The following SELENON variants were observed in gnomAD, a reference collection of about 807,000 sequenced individuals.
SELENON encodes the protein selenoprotein N, 1.
In SELENON, 44 loss-of-function variants were observed where a neutral mutation model predicts 59.5. The observed-to-expected ratio is 0.74, with a 90% confidence interval of 0.58 to 0.95. The LOEUF (loss-of-function observed/expected upper bound fraction) is 0.95, where lower values mean the gene tolerates loss of function less well. SELENON is among the 40% of genes least tolerant of loss of function. The pLI is 0.00. For synonymous variants in SELENON, 320 were observed against 305.6 expected, an observed-to-expected ratio of 1.05 and a Z score of -0.49; for missense variants, 674 against 721.4, an observed-to-expected ratio of 0.93 and a Z score of 0.75.
Position 25,815,840 on chromosome 1 carries a change from C to G in SELENON, c.*122C>G, listed in dbSNP as rs2048006625. 1 of 1,044,930 alleles carries G rather than the reference C, an allele frequency of 9.6e-7. No individual in the cohort carries two copies. The highest frequency in any genetic ancestry group is 1.6e-5 in the African/African-American group (1 of 63,732). The allele number at this position is 1,044,930 out of a possible 1,614,324, so 64.7% of individuals were successfully genotyped here. ...CACTCCTAGGCTGCCTTGGAGGGTA[C>G]AAGATCCACTGAGGGTGGCCACCAC... On this transcript the variant is annotated 3_prime_UTR_variant, in exon 13 of 13. Transcript: ENST00000361547.
At position 25,807,014 on chromosome 1, in the gene SELENON, G is replaced by T. The variant is rs1295376725; in HGVS notation, c.538-1566G>T. On this transcript the variant is annotated intron_variant, in intron 4 of 12. Coordinates refer to ENST00000361547, the MANE Select transcript of SELENON (RefSeq NM_020451.3). The surrounding 1 kb of genome is among the most constrained non-coding windows in gnomAD (Gnocchi z 4.5). ...TTTCTTTGTATTTTTAGTAGAGACGGGGTTTCACCATGTTGACCAGGATGG... is the reference window on the plus strand; with the variant it reads ...TTTCTTTGTATTTTTAGTAGAGACGTGGTTTCACCATGTTGACCAGGATGG... Among the ~76,000 whole-genome samples, 1 of 151,998 alleles carries T rather than the reference G, an allele frequency of 6.6e-6. No homozygotes were observed. The highest frequency in any genetic ancestry group is 1.5e-5 in the Non-Finnish European group (1 of 68,006).
chr1:25,813,099 T>TA (rs1323817526), intron 10 of SELENON, among the ~76,000 whole-genome samples: 1 of 152,200 alleles, frequency 6.6e-6, no homozygotes, highest in African/African-American at 2.4e-5. Context: ...ATAACACACT[T>TA]ACCTCTCATA....
At chr1:25,811,403 A>G (rs1241491335) in intron 7 of SELENON, 51 bp from the exon 7 acceptor site, 8 of 1,471,508 alleles carry the variant, frequency 5.4e-6, no homozygotes, top group African/African-American at 1.4e-5. Context: ...ATAAAGTGTG[A>G]CACAGATAAT....
At position 25,802,131 on chromosome 1, in the gene SELENON, C is replaced by CA. The variant is rs774338101; in HGVS notation, c.403+15dup. On this transcript the variant is annotated intron_variant, in intron 3 of 12. Coordinates refer to ENST00000361547, the MANE Select transcript of SELENON (RefSeq NM_020451.3). ...TCAGCCTCCTGAGTAAGTGGGACCA[C>CA]AGGCATGTGCTACCACGCCCAGCTG... 6.6e-5 allele frequency: 16 copies of CA among 242,448 alleles called. No individual in the cohort carries two copies. In the East Asian group the frequency reaches 2.2e-3, roughly 34 times the overall value. 15.0% of individuals were successfully genotyped at this position (242,448 alleles called of 1,614,324 possible).
In SELENON at chr1:25,800,233, G is replaced by GGGCCGGGCCC. The variant is rs797044621; in HGVS notation, c.13_22dup (p.Gln8ProfsTer78). On this transcript the variant is annotated frameshift_variant, in exon 1 of 13. Transcript: ENST00000361547. LOFTEE classifies it high-confidence loss of function. The stretch of plus-strand genomic sequence containing the variant: ...GGCAGCCGCCGCCAGCCGCAGCCAT[G>GGGCCGGGCCC]GGCCGGGCCCGGCCGGGCCAACGCG... 2.1e-5 allele frequency: 17 copies of GGGCCGGGCCC among 799,172 alleles called. No individual in the cohort carries two copies. The highest frequency in any genetic ancestry group is 2.5e-4 in the East Asian group (2 of 7,866). The allele number at this position is 799,172 out of a possible 1,614,324, so 49.5% of individuals were successfully genotyped here.
intron 4 of SELENON, 88 bp from the exon 4 acceptor site, chr1:25,808,492 G>T: frequency 6.6e-7 from 1 of 1,507,196 alleles, no homozygotes; most frequent in Non-Finnish European, 9.2e-7. Context: ...GCTGGCTCGG[G>T]GCTTGAGGGA....
intron 9 of SELENON, among the ~76,000 whole-genome samples, chr1:25,812,447 ACACT>A (rs1295639089): frequency 7.3e-6 from 1 of 137,626 alleles, no homozygotes; most frequent in Non-Finnish European, 1.6e-5. Context: ...ACAAACACAC[ACACT>A]AACATATATA....
At position 25,811,464 on chromosome 1, in the gene SELENON, G is replaced by T. The variant is rs779700795; in HGVS notation, c.1021G>T (p.Val341Leu). 1 of 1,613,890 alleles carries T rather than the reference G, an allele frequency of 6.2e-7. No individual in the cohort carries two copies. Among genetic ancestry groups the T allele is most frequent in the African/African-American group, 1.3e-5 (1 of 75,056 alleles). Residue 341 changes from valine to leucine, a missense_variant, in exon 8 of 13, where the codon GTG becomes TTG. Val to Leu is a conservative substitution (Grantham distance 32). Transcript: ENST00000361547. ...CCCTGGCCATCCCAGGTCTCTGAATGTGGACATGGAGTGGCTTTACGGGGC... is the reference window on the plus strand; with the variant it reads ...CCCTGGCCATCCCAGGTCTCTGAATTTGGACATGGAGTGGCTTTACGGGGC...
intron 7 of SELENON, 106 bp downstream of exon 6, chr1:25,809,926 C>CTGGGGAG: frequency 1.4e-6 from 2 of 1,421,554 alleles, no homozygotes; most frequent in Non-Finnish European, 2.0e-6. Context: ...TTCCTTTGCT[C>CTGGGGAG]CCCAGAGCCC....
chr1:25,815,501 T>TG (rs765505965), intron 12 of SELENON, 47 bp from the exon 12 acceptor site: 5 of 1,573,026 alleles, frequency 3.2e-6, no homozygotes, highest in Non-Finnish European at 4.4e-6. Context: ...ACAGGGAGCC[T>TG]GGGGGCCCCC....
rs751055336 is a variant in SELENON at position 25,808,626 on chromosome 1, C to G, written c.584C>G (p.Ala195Gly). ...GGCCTCCGAAACTGGACAGCCGCCG[C>G]CTCACCAAGTGCAGTGTTTGCCACC... The change falls in exon 5 of 13, where the codon GCC becomes GGC. Residue 195 changes from alanine (A) to glycine (G), a missense_variant. Physicochemically the swap from Ala to Gly is moderately conservative, Grantham distance 60. Transcript: ENST00000361547. The G allele has an allele frequency of 6.2e-7, 1 of 1,613,816 alleles. No homozygotes were observed. Among genetic ancestry groups the G allele is most frequent in the Non-Finnish European group, 8.5e-7 (1 of 1,179,926 alleles).
rs1553198459 is a variant in SELENON, at chr1:25,800,201, GGCCGCCGGCA to G, written c.-22_-13del. 4.4e-6 allele frequency: 2 copies of G among 455,394 alleles called. No homozygotes were observed. The highest frequency in any genetic ancestry group is 2.9e-6 in the Non-Finnish European group (1 of 348,928). The allele number at this position is 455,394 out of a possible 1,614,324, so 28.2% of individuals were successfully genotyped here. On this transcript the variant is annotated 5_prime_UTR_variant, in exon 1 of 13. Coordinates refer to ENST00000361547, the MANE Select transcript of SELENON (RefSeq NM_020451.3). ...CCCCGCCCCGCTCTTTCGCTTCCCG[GGCCGCCGGCA>G]GCCGCCGCCAGCCGCAGCCATGGGC... is the stretch of plus-strand genomic sequence containing the variant.
At chr1:25,808,536 G>A in intron 4 of SELENON, 44 bp from the exon 4 acceptor site, 1 of 1,603,110 alleles carries the variant, frequency 6.2e-7, no homozygotes, top group Non-Finnish European at 8.5e-7. Context: ...AGACCCCGGA[G>A]TCAGGTTCTC....
Position 25,800,247 on chromosome 1 carries a change from C to G in SELENON, c.17C>G (p.Pro6Arg). Residue 6 changes from proline to arginine, a missense_variant, in exon 1 of 13, where the codon CCG (proline) becomes CGG (arginine). Coordinates refer to ENST00000361547, the MANE Select transcript of SELENON (RefSeq NM_020451.3). ...GCCGCAGCCATGGGCCGGGCCCGGC[C>G]GGGCCAACGCGGGCCGCCCAGCCCC... is the stretch of plus-strand genomic sequence containing the variant. The G allele has an allele frequency of 2.3e-6, 2 of 883,846 alleles. No homozygotes were observed. The highest frequency in any genetic ancestry group is 2.7e-6 in the Non-Finnish European group (2 of 740,044). The allele number at this position is 883,846 out of a possible 1,614,324, so 54.8% of individuals were successfully genotyped here.
intron 12 of SELENON, among the ~76,000 whole-genome samples, 190 bp downstream of exon 11, chr1:25,814,368 T>C (rs534072835): frequency 1.4e-4 from 22 of 152,356 alleles, no homozygotes; most frequent in African/African-American, 4.3e-4. Context: ...ACAGGAATCG[T>C]GATGCAGGTG....
chr1:25,806,726 G>T (rs2047910197), intron 4 of SELENON, among the ~76,000 whole-genome samples: 1 of 152,112 alleles, frequency 6.6e-6, no homozygotes, highest in Non-Finnish European at 1.5e-5. Context: ...CAGCCACATG[G>T]CAAAAGAAAC....
intron 7 of SELENON, 132 bp from the exon 7 acceptor site, chr1:25,811,322 G>C: frequency 3.5e-6 from 3 of 848,852 alleles, no homozygotes; most frequent in Non-Finnish European, 6.0e-6. Flanking sequence ...GGCTCTGAGA[G>C]CAGGTGTTCA....
At position 25,801,023 on chromosome 1, in the gene SELENON, C is replaced by CA. The variant is rs2047856399; in HGVS notation, c.184-19dup. 6.2e-7 allele frequency: 1 copy of CA among 1,603,806 alleles called. No homozygotes were observed. On this transcript the variant is annotated intron_variant, in intron 1 of 12. Transcript: ENST00000361547. ...CCAGGCCGCCAAATGGTGCCCAGCC[C>CA]AGTCTCTCCTCCCAAGCAGGAACTG...
chr1:25,808,858 C>T (rs868059835), intron 5 of SELENON, 69 bp downstream of exon 4: 45 of 1,586,872 alleles, frequency 2.8e-5, no homozygotes, highest in Non-Finnish European at 3.6e-5. Flanking sequence ...CCTCTGTCTG[C>T]GCCTGGACCC....
Sources: allele counts gnomAD v4.1 joint callset (sites outside exome capture counted in the v4.1 genomes callset), GRCh38; gene constraint gnomAD v4.1.1; non-coding constraint Gnocchi (gnomAD v3.1); transcripts MANE v1.5; gene names NCBI Gene and HGNC (gene_info 2026-07-23, HGNC 2026-07-21).